Variants in SYT9 observed in about 807,000 individuals in gnomAD.
The protein encoded by SYT9 is synaptotagmin 9, also known as synaptotagmin-9.
In SYT9, 22 loss-of-function variants were observed where a neutral mutation model predicts 48.4. That is an observed-to-expected ratio of 0.45 (90% CI 0.32 to 0.65). The LOEUF (loss-of-function observed/expected upper bound fraction) is 0.65. Among genes scored for constraint, SYT9 ranks in the 30% least tolerant of loss-of-function variants. SYT9 has a pLI of 0.03. For missense variants in SYT9, 577 were observed against 622.0 expected (o/e 0.93, Z 0.77); for synonymous variants, 265 against 245.0 (o/e 1.08, Z -0.76).
intron 6 of SYT9, among the ~76,000 whole-genome samples, chr11:7,432,578 AAAAAATATATATACATATATAT>A (rs1847615818): frequency 1.4e-3 from 13 of 9,032 alleles, no homozygotes; most frequent in African/African-American, 2.6e-3. Context: ...AAAAAAAAAA[AAAAAATATATATACATATATAT>A]ATATATATAT....
At chr11:7,414,593 T>C (rs1847203396) in intron 3 of SYT9, among the ~76,000 whole-genome samples, 1 of 152,220 alleles carries the variant, frequency 6.6e-6, no homozygotes, top group South Asian at 2.1e-4. Context: ...AAAAGGGGAA[T>C]GCCCAGTCAC....
chr11:7,431,746 C>T (rs1847577272), intron 6 of SYT9, among the ~76,000 whole-genome samples: 1 of 152,250 alleles, frequency 6.6e-6, no homozygotes, highest in African/African-American at 2.4e-5. Flanking sequence ...GGCCCAGGTC[C>T]ACCTCCAGCT....
intron 1 of SYT9, among the ~76,000 whole-genome samples, chr11:7,270,990 T>G (rs749831745): frequency 5.3e-5 from 8 of 152,030 alleles, no homozygotes; most frequent in Non-Finnish European, 1.2e-4. Context: ...CTCTAAGAAC[T>G]GTGCTTCTGC....
intron 4 of SYT9, 133 bp downstream of exon 4, chr11:7,416,295 T>C: frequency 5.8e-6 from 6 of 1,029,366 alleles, no homozygotes; most frequent in Middle Eastern, 2.3e-4. Flanking sequence ...TCCTAACACC[T>C]GTGTGACCTT....
intron 3 of SYT9, among the ~76,000 whole-genome samples, chr11:7,343,126 C>T (rs1393153248): frequency 6.6e-6 from 1 of 152,210 alleles, no homozygotes; most frequent in Non-Finnish European, 1.5e-5. Context: ...GGAGGGGCTG[C>T]TGCAAGGGTC....
chr11:7,338,556 C>T (rs1849665623), intron 3 of SYT9, among the ~76,000 whole-genome samples: 1 of 152,078 alleles, frequency 6.6e-6, no homozygotes, highest in African/African-American at 2.4e-5. Context: ...TGTCTTTGTT[C>T]TCATTAGTAT....
intron 3 of SYT9, among the ~76,000 whole-genome samples, chr11:7,415,083 A>T (rs1847214449): frequency 6.6e-6 from 1 of 150,516 alleles, no homozygotes; most frequent in Non-Finnish European, 1.5e-5. Context: ...ACAGTGCCTG[A>T]GATATCTTCC....
rs182463370 is a variant in SYT9, at chr11:7,333,202, G to C, written c.1044+19261G>C. Among the ~76,000 whole-genome samples, 205 of 152,270 alleles carry C rather than the reference G, an allele frequency of 1.3e-3. 1 individual carries two copies. Among genetic ancestry groups the C allele is most frequent in the South Asian group, 5.4e-3 (26 of 4,818 alleles). On this transcript the variant is annotated intron_variant, in intron 3 of 6. Transcript: ENST00000318881. Reference sequence around the variant, plus strand: ...TAAGGGGAGTCTAAATAAACATAGTGGGGGAGTGAGAGGGAGGGGAAGGTA... The same window carrying C: ...TAAGGGGAGTCTAAATAAACATAGTCGGGGAGTGAGAGGGAGGGGAAGGTA...
At chr11:7,319,192 C>CTTTTTTTTTTTTTTTTTTTTTTTTTT (rs71056795) in intron 3 of SYT9, among the ~76,000 whole-genome samples, 2 of 86,180 alleles carry the variant, frequency 2.3e-5, no homozygotes, top group Admixed American at 1.3e-4. Flanking sequence ...TCTTCTTTTT[C>CTTTTTTTTTTTTTTTTTTTTTTTTTT]TTTTTTTTTT....
intron 6 of SYT9, among the ~76,000 whole-genome samples, chr11:7,433,309 T>C (rs1847645540): frequency 6.6e-6 from 1 of 152,204 alleles, no homozygotes. Flanking sequence ...GTCTTGGATA[T>C]TTCTTTATAC....
intron 1 of SYT9, among the ~76,000 whole-genome samples, chr11:7,242,715 G>C (rs1052705542): frequency 8.6e-5 from 13 of 151,994 alleles, no homozygotes; most frequent in African/African-American, 3.1e-4. Context: ...TTAGAGGTGG[G>C]AAAAAAAGGT....
At position 7,348,688 on chromosome 11, in the gene SYT9, C is replaced by CTTTTTTTTTTTTTTTTT. The variant is rs34752256; in HGVS notation, c.1044+34760_1044+34776dup. Among the ~76,000 whole-genome samples the CTTTTTTTTTTTTTTTTT allele has an allele frequency of 2.9e-3, 135 of 47,112 alleles. 11 individuals are homozygous for CTTTTTTTTTTTTTTTTT. Among genetic ancestry groups the CTTTTTTTTTTTTTTTTT allele is most frequent in the Non-Finnish European group, 4.0e-3 (103 of 25,572 alleles). 30.9% of individuals were successfully genotyped at this position (47,112 alleles called of 152,430 possible). A position where few individuals can be genotyped will look rare whatever the true frequency, so the allele number is the denominator to read the frequency against. On this transcript the variant is annotated intron_variant, in intron 3 of 6. Transcript: ENST00000318881. ...CCAGGTATCAGAGCCATCAGACCTC[C>CTTTTTTTTTTTTTTTTT]TTTTTTTTTTTTTTTTTTTTTTTTT... is the stretch of plus-strand genomic sequence containing the variant.
intron 3 of SYT9, among the ~76,000 whole-genome samples, chr11:7,408,328 A>G (rs374855665): frequency 3.3e-5 from 5 of 152,162 alleles, no homozygotes; most frequent in Admixed American, 1.3e-4. Context: ...GGGTTTCTCT[A>G]TGTTGGTCAG....
At chr11:7,268,832 A>G (rs1848240814) in intron 1 of SYT9, among the ~76,000 whole-genome samples, 1 of 152,078 alleles carries the variant, frequency 6.6e-6, no homozygotes, top group Admixed American at 6.6e-5. Context: ...ATCACTATAA[A>G]TCAGTTTTAG....
intron 3 of SYT9, among the ~76,000 whole-genome samples, chr11:7,340,623 T>C (rs1849696304): frequency 6.6e-6 from 1 of 152,166 alleles, no homozygotes; most frequent in Non-Finnish European, 1.5e-5. Flanking sequence ...TGGAGAACAA[T>C]CCAGTCACTT....
intron 6 of SYT9, among the ~76,000 whole-genome samples, chr11:7,461,798 T>A (rs1393231250): frequency 6.6e-6 from 1 of 152,254 alleles, no homozygotes; most frequent in African/African-American, 2.4e-5. Context: ...CTTTACTTCA[T>A]CAGGTAGAGT....
chr11:7,357,593 T>G (rs971940516), intron 3 of SYT9, among the ~76,000 whole-genome samples: 1 of 152,122 alleles, frequency 6.6e-6, no homozygotes, highest in African/African-American at 2.4e-5. Context: ...CATTCTTTTT[T>G]GTTCCATCAG....
intron 3 of SYT9, among the ~76,000 whole-genome samples, chr11:7,414,135 G>A (rs1347358846): frequency 6.6e-6 from 1 of 152,218 alleles, no homozygotes. Context: ...GCAGAGATTA[G>A]ACGGCATGCA....
intron 3 of SYT9, among the ~76,000 whole-genome samples, chr11:7,328,856 A>G (rs1029831808): frequency 1.3e-5 from 2 of 152,196 alleles, no homozygotes; most frequent in African/African-American, 2.4e-5. Context: ...AAACATAGGT[A>G]TGCAAATCTT....
Sources: gnomAD v4.1 joint callset for allele counts (sites outside exome capture counted in the v4.1 genomes callset) on GRCh38, gnomAD v4.1.1 for gene constraint, MANE v1.5 for transcripts, NCBI Gene and HGNC (gene_info 2026-07-23, HGNC 2026-07-21) for gene names.